The following TRIM8 variants were observed in gnomAD, a reference collection of about 807,000 sequenced individuals.
TRIM8 encodes the protein E3 ubiquitin-protein ligase TRIM8.
TRIM8 carries 9 observed loss-of-function variants against 55.7 expected under a neutral mutation model. The ratio of observed to expected loss-of-function variants is 0.16; its 90% confidence interval spans 0.10 to 0.28. The LOEUF (loss-of-function observed/expected upper bound fraction) is 0.28, where lower values mean the gene tolerates loss of function less well. Among genes scored for constraint, TRIM8 ranks in the 10% least tolerant of loss-of-function variants. The pLI is 1.00. For missense variants in TRIM8, 556 were observed against 736.4 expected, an observed-to-expected ratio of 0.76 and a Z score of 2.83; for synonymous variants, 335 against 333.3, an observed-to-expected ratio of 1.01 and a Z score of -0.06.
At position 102,644,479 on chromosome 10, in the gene TRIM8, G is replaced by A; in HGVS notation, c.-139G>A. On this transcript the variant is annotated 5_prime_UTR_variant, in exon 1 of 6. Transcript: ENST00000643721. ...CCCTCCTCCGGGGGGCGGGCACGCGGAAGGCGCTGCTGACTGAGCGACCGT... is the reference window on the plus strand; with the variant it reads ...CCCTCCTCCGGGGGGCGGGCACGCGAAAGGCGCTGCTGACTGAGCGACCGT... 2 of 720,172 alleles carry A rather than the reference G, an allele frequency of 2.8e-6. 1 individual carries two copies. Among genetic ancestry groups the A allele is most frequent in the South Asian group, 4.6e-5 (2 of 43,466 alleles). 44.6% of individuals were successfully genotyped at this position (720,172 alleles called of 1,614,324 possible). A position where few individuals can be genotyped will look rare whatever the true frequency, so the allele number is the denominator to read the frequency against.
rs1181900295 is a variant in TRIM8 at position 102,644,914 on chromosome 10, C to T, written c.297C>T (p.Pro99=). 6 of 1,606,042 alleles carry T rather than the reference C, an allele frequency of 3.7e-6. No homozygotes were observed. Among genetic ancestry groups the T allele is most frequent in the East Asian group, 2.2e-5 (1 of 44,542 alleles). ...ALHCVFCRRG[P]PLPAQKVCLR... Reference sequence around the variant, plus strand: ...ACTGCGTGTTCTGCCGCCGCGGCCCCCCGCTGCCCGCGCAGAAGGTCTGCC... The same window carrying T: ...ACTGCGTGTTCTGCCGCCGCGGCCCTCCGCTGCCCGCGCAGAAGGTCTGCC... The change falls in exon 1 of 6, where the codon CCC becomes CCT. Residue 99 remains proline, a synonymous_variant. Coordinates refer to ENST00000643721, the MANE Select transcript of TRIM8 (RefSeq NM_030912.3).
In TRIM8 at chr10:102,657,126, T is replaced by C. The variant is rs1330610708; in HGVS notation, c.1428T>C (p.Ser476=). The C allele has an allele frequency of 8.7e-6, 14 of 1,613,940 alleles. No individual in the cohort carries two copies. The highest frequency in any genetic ancestry group is 1.2e-5 in the Non-Finnish European group (14 of 1,180,006). Residue 476 remains serine, a synonymous_variant, in exon 6 of 6, where the codon TCT becomes TCC. Transcript: ENST00000643721. The part of the protein sequence containing the change: ...LVCSVDNCYC[S]SVANHGGHQP... ...GTTCTGTGGACAACTGTTACTGTTCTTCCGTGGCCAACCATGGCGGCCACC... is the reference window on the plus strand; with the variant it reads ...GTTCTGTGGACAACTGTTACTGTTCCTCCGTGGCCAACCATGGCGGCCACC...
intron 1 of TRIM8, among the ~76,000 whole-genome samples, chr10:102,652,881 A>G (rs1298144656): frequency 2.7e-5 from 4 of 150,236 alleles, no homozygotes; most frequent in Non-Finnish European, 4.4e-5. Context: ...TTGGCTCGCT[A>G]CAGCCTTCGT....
chr10:102,647,734 C>T (rs554284720), intron 1 of TRIM8, among the ~76,000 whole-genome samples: 14 of 152,112 alleles, frequency 9.2e-5, no homozygotes, highest in Non-Finnish European at 1.6e-4. Flanking sequence ...GCACAGAGAC[C>T]TGGCACCTGC....
chr10:102,644,582 G>A lies in TRIM8; in HGVS notation c.-36G>A, dbSNP rs1317801078. 1.3e-6 allele frequency: 2 copies of A among 1,595,398 alleles called. No individual in the cohort carries two copies. Among genetic ancestry groups the A allele is most frequent in the African/African-American group, 2.7e-5 (2 of 74,362 alleles). ...GACGGACCCCCGGGGCTGGGGAGTC[G>A]GGGAGGCCTGCCCCGGCCCCCTGCC... On this transcript the variant is annotated 5_prime_UTR_variant, in exon 1 of 6. Coordinates refer to ENST00000643721, the MANE Select transcript of TRIM8 (RefSeq NM_030912.3).
chr10:102,655,249 C>A lies in TRIM8; in HGVS notation c.836C>A (p.Ala279Asp). Residue 279 changes from alanine (A) to aspartate (D), a missense_variant, in exon 3 of 6, where the codon GCC becomes GAC. Transcript: ENST00000643721. ...ALHLGERMQE[A>D]KKLLGSLQLL... Reference sequence around the variant, plus strand: ...CACCTCGGGGAGCGCATGCAGGAGGCCAAGAAGCTGCTGGGCTCCCTGCAG... The same window carrying A: ...CACCTCGGGGAGCGCATGCAGGAGGACAAGAAGCTGCTGGGCTCCCTGCAG... The A allele has an allele frequency of 6.2e-7, 1 of 1,600,202 alleles. No homozygotes were observed.
intron 1 of TRIM8, among the ~76,000 whole-genome samples, chr10:102,649,687 C>T (rs542259513): frequency 8.5e-5 from 13 of 152,332 alleles, no homozygotes; most frequent in African/African-American, 2.2e-4. Flanking sequence ...CTGCCGGGCT[C>T]GCATCTGAGG....
chr10:102,651,076 C>T (rs2063980762), intron 1 of TRIM8, among the ~76,000 whole-genome samples: 1 of 152,178 alleles, frequency 6.6e-6, no homozygotes, highest in Non-Finnish European at 1.5e-5. Context: ...GGACTCCTCC[C>T]TGGCTGGCAC....
In TRIM8 at chr10:102,645,055, G is replaced by T. The variant is rs1339999650; in HGVS notation, c.438G>T (p.Pro146=). Residue 146 remains proline, a synonymous_variant, in exon 1 of 6, where the codon CCG becomes CCT. Transcript: ENST00000643721. ...EADDVRAWSC[P]QHNAYRLYHC... ...ACGACGTGCGGGCCTGGAGCTGCCC[G>T]CAGCACAACGCCTACCGCCTCTACC... is the stretch of plus-strand genomic sequence containing the variant. 1 of 1,591,394 alleles carries T rather than the reference G, an allele frequency of 6.3e-7. No homozygotes were observed. The highest frequency in any genetic ancestry group is 1.7e-5 in the Admixed American group (1 of 59,084).
In TRIM8 at chr10:102,645,211, G is replaced by A. The variant is rs533373812; in HGVS notation, c.570+24G>A. 1,875 of 1,407,186 alleles carry A rather than the reference G, an allele frequency of 1.3e-3. 6 individuals are homozygous for A. Among genetic ancestry groups the A allele is most frequent in the African/African-American group, 0.01 (701 of 68,702 alleles). 87.2% of individuals were successfully genotyped at this position (1,407,186 alleles called of 1,614,324 possible). A position where few individuals can be genotyped will look rare whatever the true frequency, so the allele number is the denominator to read the frequency against. On this transcript the variant is annotated intron_variant, in intron 1 of 5. Transcript: ENST00000643721. Reference sequence around the variant, plus strand: ...GGGCAAGTACCCTACGCGCGCGCGCGCACACACACACACACAGACACACAG... The same window carrying A: ...GGGCAAGTACCCTACGCGCGCGCGCACACACACACACACACAGACACACAG...
chr10:102,655,670 G>T (rs974271055), intron 3 of TRIM8, among the ~76,000 whole-genome samples: 1 of 152,218 alleles, frequency 6.6e-6, no homozygotes, highest in South Asian at 2.1e-4. Context: ...TGCTTAGTAT[G>T]AAAATTCAAA....
intron 1 of TRIM8, among the ~76,000 whole-genome samples, chr10:102,646,409 G>A (rs2063935705): frequency 6.6e-6 from 1 of 152,220 alleles, no homozygotes. Context: ...TGGCTATGAG[G>A]AAGCTCTGTT....
rs2064029535 is a variant in TRIM8, at chr10:102,656,859, T to G, written c.1161T>G (p.Ser387Arg). The G allele has an allele frequency of 6.4e-7, 1 of 1,559,812 alleles. No individual in the cohort carries two copies. The highest frequency in any genetic ancestry group is 1.4e-5 in the African/African-American group (1 of 73,090). ...ACTCAACGGCCTTCCCAGAGGCCAG[T>G]TTCCTAGAGACGTCGTCGGGCCCTG... is the stretch of plus-strand genomic sequence containing the variant. ...RKHSTAFPEA[S>R]FLETSSGPVG... Residue 387 changes from serine to arginine, a missense_variant, in exon 6 of 6, where the codon AGT becomes AGG. This residue lies in a region of TRIM8 where 391 missense variants were observed against 441.0 expected (regional missense o/e 0.89). Coordinates refer to ENST00000643721, the MANE Select transcript of TRIM8 (RefSeq NM_030912.3). This position sits in a 1 kb window ranked among gnomAD's most constrained non-coding sequence, Gnocchi z 4.6.
chr10:102,651,762 G>A (rs939045055), intron 1 of TRIM8, among the ~76,000 whole-genome samples: 7 of 152,348 alleles, frequency 4.6e-5, no homozygotes, highest in African/African-American at 1.7e-4. Context: ...ATTGTTCCAG[G>A]GGAGGTCAGT....
chr10:102,651,041 G>A (rs1053788495), intron 1 of TRIM8, among the ~76,000 whole-genome samples: 1 of 152,130 alleles, frequency 6.6e-6, no homozygotes, highest in Non-Finnish European at 1.5e-5. Context: ...CTGAGGGAGA[G>A]CAGGCCAGAC....
At chr10:102,655,522 G>A (rs1039555135) in intron 3 of TRIM8, among the ~76,000 whole-genome samples, 13 of 152,198 alleles carry the variant, frequency 8.5e-5, no homozygotes, top group African/African-American at 3.1e-4. Context: ...ACGAAGTGGT[G>A]TTGATGATAC....
At position 102,655,310 on chromosome 10, in the gene TRIM8, G is replaced by A. The variant is rs755103136; in HGVS notation, c.897G>A (p.Met299Ile). The change falls in exon 3 of 6, where the codon ATG becomes ATA. Residue 299 changes from methionine to isoleucine, a missense_variant. Transcript: ENST00000643721. Reference protein sequence around the residue: ...LFDKTEDVSFMKNTKSVKILM... With the variant: ...LFDKTEDVSFIKNTKSVKILM... Reference sequence around the variant, plus strand: ...ATAAGACGGAGGATGTCAGCTTCATGAAGGTGGGCTGGGCTCAGGACCAGG... The same window carrying A: ...ATAAGACGGAGGATGTCAGCTTCATAAAGGTGGGCTGGGCTCAGGACCAGG... The A allele has an allele frequency of 6.2e-7, 1 of 1,601,940 alleles. No individual in the cohort carries two copies. Among genetic ancestry groups the A allele is most frequent in the South Asian group, 1.1e-5 (1 of 89,474 alleles).
rs1396809682 is a variant in TRIM8 at position 102,656,187 on chromosome 10, G to A, written c.932+50G>A. ...CGGGGGCACATCCTGGGGAGGGCAG[G>A]GGGGCCAGGCCCATGGCGGGGAGGT... On this transcript the variant is annotated intron_variant, in intron 4 of 5. Coordinates refer to ENST00000643721, the MANE Select transcript of TRIM8 (RefSeq NM_030912.3). This position sits in a 1 kb window ranked among gnomAD's most constrained non-coding sequence, Gnocchi z 4.6. The A allele has an allele frequency of 3.1e-6, 5 of 1,614,026 alleles. No individual in the cohort carries two copies. The highest frequency in any genetic ancestry group is 1.1e-5 in the South Asian group (1 of 91,074).
intron 1 of TRIM8, among the ~76,000 whole-genome samples, chr10:102,647,511 G>A (rs147072381): frequency 4.8e-4 from 73 of 152,288 alleles, no homozygotes; most frequent in Middle Eastern, 3.4e-3. Context: ...GAGGAATAGG[G>A]GCCCTGCCTG....
Sources: allele counts gnomAD v4.1 joint callset (sites outside exome capture counted in the v4.1 genomes callset), GRCh38; gene constraint gnomAD v4.1.1; regional missense constraint gnomAD v4.1.1; non-coding constraint Gnocchi (gnomAD v3.1); transcripts MANE v1.5; gene names NCBI Gene and HGNC (gene_info 2026-07-23, HGNC 2026-07-21).